The following STAG2 variants were observed in gnomAD, a reference collection of about 807,000 sequenced individuals.
STAG2 encodes the protein cohesin subunit SA-2.
STAG2 carries 14 observed loss-of-function variants against 108.1 expected under a neutral mutation model. The observed-to-expected ratio is 0.13, with a 90% CI of 0.09 to 0.20. STAG2 has a LOEUF of 0.20. STAG2 is among the 10% of genes least tolerant of loss of function. STAG2 has a pLI of 1.00. For missense variants in STAG2, 440 were observed against 940.9 expected (o/e 0.47, Z 6.96); for synonymous variants, 307 against 302.7 (o/e 1.01, Z -0.15).
At chrX:124,065,499 A>G (rs2058499344) in intron 20 of STAG2, among the ~76,000 whole-genome samples, 4 of 111,305 alleles carry the variant, frequency 3.6e-5, no homozygotes, top group Admixed American at 2.9e-4. Flanking sequence ...ATGATGATAT[A>G]TGTTTAAGGT....
intron 1 of STAG2, among the ~76,000 whole-genome samples, chrX:124,001,726 T>A (rs978253797): frequency 8.9e-6 from 1 of 112,246 alleles, no homozygotes; most frequent in African/African-American, 3.2e-5. Flanking sequence ...CTATGCCATG[T>A]AACCTAGTGT....
intron 5 of STAG2, among the ~76,000 whole-genome samples, chrX:124,037,267 A>G (rs143360727): frequency 1.8e-5 from 2 of 111,999 alleles, no homozygotes; most frequent in Admixed American, 9.5e-5. Flanking sequence ...GATGGAATTG[A>G]CTTCCATAGT....
chrX:123,987,740 A>T (rs1298447638), intron 1 of STAG2, among the ~76,000 whole-genome samples: 1 of 112,190 alleles, frequency 8.9e-6, no homozygotes, highest in Non-Finnish European at 1.9e-5. Flanking sequence ...TAATGAGAAA[A>T]TAAGGGATAA....
chrX:123,969,732 G>A (rs1178336497), intron 1 of STAG2, among the ~76,000 whole-genome samples: 1 of 108,971 alleles, frequency 9.2e-6, no homozygotes, highest in Non-Finnish European at 1.9e-5. Context: ...TGCAACCTCC[G>A]CCTCCCAGGT....
chrX:124,001,332 C>T (rs2056030228), intron 1 of STAG2, among the ~76,000 whole-genome samples: 1 of 111,714 alleles, frequency 9.0e-6, no homozygotes, highest in Admixed American at 9.5e-5. Context: ...CCTCTTGATC[C>T]ATCCGCCTCG....
chrX:123,992,476 A>T (rs765592743), intron 1 of STAG2, among the ~76,000 whole-genome samples: 1 of 109,764 alleles, frequency 9.1e-6, no homozygotes, highest in Non-Finnish European at 1.9e-5. Flanking sequence ...TTTGAGTCTA[A>T]GTTTACTGCA....
At chrX:124,057,459 G>A (rs1167984980) in intron 14 of STAG2, among the ~76,000 whole-genome samples, 1 of 112,102 alleles carries the variant, frequency 8.9e-6, no homozygotes, top group African/African-American at 3.2e-5. Context: ...GTAAGTTGGG[G>A]TAATTTTGCC....
intron 13 of STAG2, among the ~76,000 whole-genome samples, chrX:124,052,751 A>T (rs758717511): frequency 9.1e-6 from 1 of 110,362 alleles, no homozygotes; most frequent in East Asian, 2.8e-4. Context: ...GAACTGCCAT[A>T]ATGCTTTTTA....
intron 7 of STAG2, 77 bp from the exon 8 acceptor site, chrX:124,045,087 C>G: frequency 1.2e-6 from 1 of 865,117 alleles, no homozygotes; most frequent in Non-Finnish European, 1.7e-6. Flanking sequence ...ATGCTTTTGT[C>G]TAGGGTATTT....
At chrX:124,066,533 T>C in intron 23 of STAG2, 97 bp downstream of exon 23, 1 of 597,676 alleles carries the variant, frequency 1.7e-6, no homozygotes, top group Non-Finnish European at 2.7e-6. Flanking sequence ...TTCAGTGAAA[T>C]GTTGCTTGTT....
At chrX:124,051,941 G>A (rs1457088007) in intron 13 of STAG2, among the ~76,000 whole-genome samples, 1 of 112,119 alleles carries the variant, frequency 8.9e-6, no homozygotes, top group Non-Finnish European at 1.9e-5. Context: ...CATTCTCTTG[G>A]CAGATTGATT....
intron 1 of STAG2, among the ~76,000 whole-genome samples, chrX:124,017,977 G>A (rs2056789169): frequency 8.9e-6 from 1 of 112,120 alleles, no homozygotes; most frequent in Non-Finnish European, 1.9e-5. Flanking sequence ...ACTTAAGCAA[G>A]TAGTTTTACT....
chrX:124,017,095 C>G lies in STAG2; in HGVS notation c.-162-4272C>G, dbSNP rs375370494. Among the ~76,000 whole-genome samples, 70 of 111,167 alleles carry G rather than the reference C, an allele frequency of 6.3e-4. 1 individual carries two copies. The South Asian group carries it at 0.025, about 40-fold the overall frequency. On this transcript the variant is annotated intron_variant, in intron 1 of 34. Transcript: ENST00000371145. ...CCAGCTACTTAAGTGTTCCCCTCCCCTGTGCTCTCCAGTAATATATTATTA... is the reference window on the plus strand; with the variant it reads ...CCAGCTACTTAAGTGTTCCCCTCCCGTGTGCTCTCCAGTAATATATTATTA...
intron 4 of STAG2, among the ~76,000 whole-genome samples, chrX:124,028,374 A>G (rs1024008867): frequency 9.0e-6 from 1 of 111,440 alleles, no homozygotes; most frequent in Non-Finnish European, 1.9e-5. Flanking sequence ...GGGATGATTC[A>G]CGTCCTGGGT....
At chrX:124,067,819 G>A (rs1218328089) in intron 23 of STAG2, among the ~76,000 whole-genome samples, 1 of 111,497 alleles carries the variant, frequency 9.0e-6, no homozygotes, top group Non-Finnish European at 1.9e-5. Flanking sequence ...CTCACTTGAA[G>A]TCAGGAGTTC....
intron 29 of STAG2, among the ~76,000 whole-genome samples, chrX:124,084,362 T>C (rs1242349774): frequency 9.3e-6 from 1 of 106,980 alleles, no homozygotes; most frequent in Non-Finnish European, 1.9e-5. Context: ...GAAATGAAGT[T>C]AGGTCTGTCC....
At chrX:124,014,590 G>T (rs1429477694) in intron 1 of STAG2, among the ~76,000 whole-genome samples, 1 of 111,404 alleles carries the variant, frequency 9.0e-6, no homozygotes, top group Non-Finnish European at 1.9e-5. Context: ...GGAACTCCTG[G>T]CCTCAAGTGA....
At chrX:123,970,747 A>G (rs1197965717) in intron 1 of STAG2, among the ~76,000 whole-genome samples, 1 of 111,960 alleles carries the variant, frequency 8.9e-6, no homozygotes, top group Non-Finnish European at 1.9e-5. Context: ...AAATCTATAA[A>G]AAGTCACTGA....
intron 1 of STAG2, among the ~76,000 whole-genome samples, chrX:123,962,762 A>G (rs903930104): frequency 3.6e-5 from 4 of 111,348 alleles, no homozygotes; most frequent in African/African-American, 9.8e-5. Context: ...TTGGTTTGCA[A>G]TGGTTCCTTA....
Sources: allele counts gnomAD v4.1 joint callset (sites outside exome capture counted in the v4.1 genomes callset), GRCh38; gene constraint gnomAD v4.1.1; transcripts MANE v1.5; gene names NCBI Gene and HGNC (gene_info 2026-07-23, HGNC 2026-07-21).